FAM168B: variants seen among roughly 807,000 people sequenced by gnomAD.
FAM168B encodes the protein myelin-associated neurite-outgrowth inhibitor.
Under a neutral mutation model 21.8 loss-of-function variants are expected in FAM168B, and 19 were observed. The observed-to-expected ratio is 0.87, with a 90% confidence interval of 0.61 to 1.28. The LOEUF (loss-of-function observed/expected upper bound fraction) is 1.28. Ranked by LOEUF, FAM168B falls within the 50% of genes most tolerant of loss-of-function variation. FAM168B has a pLI of 0.00. For synonymous variants in FAM168B, 126 were observed against 104.8 expected (o/e 1.20, Z -1.24); for missense variants, 233 against 263.1 (o/e 0.89, Z 0.79).
At position 131,048,213 on chromosome 2, in the gene FAM168B, C is replaced by T. The variant is rs1691408184; in HGVS notation, c.*4252G>A. On this transcript the variant is annotated 3_prime_UTR_variant, in exon 7 of 7. Transcript: ENST00000389915. Reference sequence around the variant, plus strand: ...AAAGGAACCGTTTCTTCTTTAGTTACAATCCATGAGGCTCTCTAGGGCCTC... The same window carrying T: ...AAAGGAACCGTTTCTTCTTTAGTTATAATCCATGAGGCTCTCTAGGGCCTC... 4 of 1,274,858 alleles carry T rather than the reference C, an allele frequency of 3.1e-6. No individual in the cohort carries two copies. Among genetic ancestry groups the T allele is most frequent in the Non-Finnish European group, 4.1e-6 (4 of 971,082 alleles). The allele number at this position is 1,274,858 out of a possible 1,614,324, so 79.0% of individuals were successfully genotyped here. A position where few individuals can be genotyped will look rare whatever the true frequency, so the allele number is the denominator to read the frequency against.
chr2:131,082,024 C>T (rs747275133), intron 2 of FAM168B, among the ~76,000 whole-genome samples: 4 of 152,136 alleles, frequency 2.6e-5, no homozygotes, highest in Non-Finnish European at 5.9e-5. Flanking sequence ...TTTGACCAAC[C>T]AGCTCCTATC....
At chr2:131,063,549 TG>T (rs1692409291) in intron 3 of FAM168B, among the ~76,000 whole-genome samples, 1 of 152,136 alleles carries the variant, frequency 6.6e-6, no homozygotes, top group African/African-American at 2.4e-5. Context: ...AAGGCCAAGA[TG>T]GGAGGATAAC....
chr2:131,082,564 TTTAC>T lies in FAM168B; in HGVS notation c.70+9_70+12del, dbSNP rs1693474828. 5.7e-6 allele frequency: 9 copies of T among 1,581,686 alleles called. No homozygotes were observed. Among genetic ancestry groups the T allele is most frequent in the South Asian group, 2.3e-5 (2 of 86,238 alleles). On this transcript the variant is annotated intron_variant, in intron 2 of 6. Transcript: ENST00000389915. The stretch of plus-strand genomic sequence containing the variant: ...CAAAGTTCAAAAATGAAAACAAAAT[TTTAC>T]TTACTTACCTGGATAACCAATTCCT...
chr2:131,062,202 A>G (rs1286261881), intron 3 of FAM168B, among the ~76,000 whole-genome samples: 1 of 152,240 alleles, frequency 6.6e-6, no homozygotes, highest in African/African-American at 2.4e-5. Flanking sequence ...AATACAGAGT[A>G]TAAAACCAAA....
In FAM168B at chr2:131,051,107, TCTG is replaced by T. The variant is rs1407781671; in HGVS notation, c.*1355_*1357del. ...CGCACTCCAGCACTGCCTGGCCCTCTCTGCTGTCTGTGCTTGCTTTGTGCCAAG... is the reference window on the plus strand; with the variant it reads ...CGCACTCCAGCACTGCCTGGCCCTCTCTGTCTGTGCTTGCTTTGTGCCAAG... On this transcript the variant is annotated 3_prime_UTR_variant, in exon 7 of 7. Coordinates refer to ENST00000389915, the MANE Select transcript of FAM168B (RefSeq NM_001009993.4). 8.1e-6 allele frequency: 8 copies of T among 985,428 alleles called. No individual in the cohort carries two copies. The highest frequency in any genetic ancestry group is 4.7e-5 in the South Asian group (1 of 21,286). 61.0% of individuals were successfully genotyped at this position (985,428 alleles called of 1,614,324 possible).
chr2:131,073,509 A>C (rs759487128), intron 2 of FAM168B, among the ~76,000 whole-genome samples: 28 of 152,212 alleles, frequency 1.8e-4, no homozygotes, highest in Non-Finnish European at 3.4e-4. Flanking sequence ...GAGGTGGGAC[A>C]TTTAATAGGT....
At chr2:131,062,274 C>T (rs1275610697) in intron 3 of FAM168B, among the ~76,000 whole-genome samples, 2 of 152,228 alleles carry the variant, frequency 1.3e-5, no homozygotes, top group Non-Finnish European at 2.9e-5. Flanking sequence ...AAGTGCTCAT[C>T]TGGCCCACCA....
chr2:131,080,435 C>T (rs1028820467), intron 2 of FAM168B, among the ~76,000 whole-genome samples: 8 of 150,320 alleles, frequency 5.3e-5, no homozygotes, highest in South Asian at 2.1e-4. Context: ...GTCTGCAGTT[C>T]GAGACCAGCC....
At chr2:131,053,878 A>C (rs1489931584) in intron 5 of FAM168B, among the ~76,000 whole-genome samples, 1 of 152,020 alleles carries the variant, frequency 6.6e-6, no homozygotes, top group Non-Finnish European at 1.5e-5. Context: ...CTGTCTCAAC[A>C]AAAAAAAGTT....
At chr2:131,073,591 G>A (rs1171743704) in intron 2 of FAM168B, among the ~76,000 whole-genome samples, 4 of 152,086 alleles carry the variant, frequency 2.6e-5, no homozygotes, top group East Asian at 1.9e-4. Context: ...TGACGCACTC[G>A]CTGCCCTTCC....
chr2:131,092,595 C>CA (rs1694089691), intron 1 of FAM168B, among the ~76,000 whole-genome samples: 1 of 152,142 alleles, frequency 6.6e-6, no homozygotes, highest in South Asian at 2.1e-4. Flanking sequence ...AACATTAACT[C>CA]AAACAGCCCA....
chr2:131,087,826 G>A (rs138186300), intron 1 of FAM168B, among the ~76,000 whole-genome samples: 2 of 152,298 alleles, frequency 1.3e-5, no homozygotes, highest in African/African-American at 2.4e-5. Flanking sequence ...CCTACAGTTG[G>A]ACATGAACAT....
chr2:131,054,911 C>T (rs1047244058), intron 5 of FAM168B, among the ~76,000 whole-genome samples: 2 of 152,170 alleles, frequency 1.3e-5, no homozygotes, highest in Non-Finnish European at 2.9e-5. Context: ...CCTGCAAAGA[C>T]AAGCTCCCCT....
intron 1 of FAM168B, among the ~76,000 whole-genome samples, chr2:131,091,711 T>G (rs1694041530): frequency 6.7e-6 from 1 of 150,338 alleles, no homozygotes; most frequent in African/African-American, 2.4e-5. Flanking sequence ...ATTACCAAGG[T>G]TTGGGTTTGC....
intron 3 of FAM168B, 132 bp from the exon 4 acceptor site, chr2:131,055,827 C>T (rs1483369539): frequency 8.0e-6 from 8 of 998,134 alleles, no homozygotes; most frequent in Non-Finnish European, 1.2e-5. Context: ...CTGCCGCCCC[C>T]ACTCTCCTCC....
At chr2:131,080,862 C>T (rs1253086500) in intron 2 of FAM168B, among the ~76,000 whole-genome samples, 1 of 151,418 alleles carries the variant, frequency 6.6e-6, no homozygotes, top group Admixed American at 6.6e-5. Context: ...TTAGTAGAGA[C>T]GGGGTTTCAG....
intron 2 of FAM168B, among the ~76,000 whole-genome samples, chr2:131,079,844 C>A (rs1305665345): frequency 1.3e-5 from 2 of 152,014 alleles, no homozygotes; most frequent in African/African-American, 4.8e-5. Context: ...TGGCTCGGAG[C>A]AGTGGCTCAC....
At chr2:131,077,430 C>T (rs879822196) in intron 2 of FAM168B, among the ~76,000 whole-genome samples, 9 of 152,292 alleles carry the variant, frequency 5.9e-5, no homozygotes, top group Non-Finnish European at 1.2e-4. Context: ...CCAGAGCACC[C>T]GTGGGCTGGC....
intron 1 of FAM168B, among the ~76,000 whole-genome samples, chr2:131,087,635 T>C (rs1393480759): frequency 6.6e-6 from 1 of 152,120 alleles, no homozygotes; most frequent in African/African-American, 2.4e-5. Flanking sequence ...TAATAGATGA[T>C]TGTGGAGACA....
Sources: gnomAD v4.1 joint callset for allele counts (sites outside exome capture counted in the v4.1 genomes callset) on GRCh38, gnomAD v4.1.1 for gene constraint, MANE v1.5 for transcripts, NCBI Gene and HGNC (gene_info 2026-07-23, HGNC 2026-07-21) for gene names.